CAMK1D: variants seen among roughly 807,000 people sequenced by gnomAD.
CAMK1D encodes the protein calcium/calmodulin dependent protein kinase ID, also known as calcium/calmodulin-dependent protein kinase type 1D.
Under a neutral mutation model 47.7 loss-of-function variants are expected in CAMK1D, and 9 were observed. The ratio of observed to expected loss-of-function variants is 0.19; its 90% CI spans 0.11 to 0.33. The LOEUF is 0.33. Among genes scored for constraint, CAMK1D ranks in the 10% least tolerant of loss-of-function variants. The pLI, the probability that CAMK1D is intolerant of heterozygous loss-of-function variation, is 1.00. For missense variants in CAMK1D, 291 were observed against 488.7 expected (o/e 0.60, Z 3.81); for synonymous variants, 184 against 184.9 (o/e 0.99, Z 0.04).
chr10:12,522,586 C>A lies in CAMK1D; in HGVS notation c.93-30639C>A, dbSNP rs1233445473. On this transcript the variant is annotated intron_variant, in intron 1 of 10. Transcript: ENST00000619168. ...GTACAGAACAAAATGAAAAGTCTCC[C>A]ATGTCCACTTCTTTCCACACAGACA... Among the ~76,000 whole-genome samples the A allele has an allele frequency of 2.0e-5, 3 of 152,226 alleles. No homozygotes were observed. The East Asian group carries it at 5.8e-4, about 29-fold the overall frequency.
intron 5 of CAMK1D, among the ~76,000 whole-genome samples, chr10:12,776,267 G>A (rs1245674702): frequency 6.6e-6 from 1 of 152,232 alleles, no homozygotes; most frequent in Non-Finnish European, 1.5e-5. Context: ...TAATTCAAAG[G>A]TTTTTGGGCC....
chr10:12,389,578 A>G (rs1302581476), intron 1 of CAMK1D, among the ~76,000 whole-genome samples: 1 of 151,396 alleles, frequency 6.6e-6, no homozygotes, highest in African/African-American at 2.4e-5. Context: ...TTCCTTCCCT[A>G]CTCACAGCAA....
At chr10:12,665,151 A>G (rs879401338) in intron 2 of CAMK1D, among the ~76,000 whole-genome samples, 9 of 152,216 alleles carry the variant, frequency 5.9e-5, no homozygotes, top group Admixed American at 5.2e-4. Flanking sequence ...CTGACAAATA[A>G]TTAGACTCTA....
At chr10:12,765,508 C>G (rs1836709946) in intron 4 of CAMK1D, among the ~76,000 whole-genome samples, 1 of 152,168 alleles carries the variant, frequency 6.6e-6, no homozygotes, top group African/African-American at 2.4e-5. Context: ...CTGATTAGAC[C>G]CTGCTCTCTG....
chr10:12,790,954 C>A (rs527904380), intron 5 of CAMK1D, among the ~76,000 whole-genome samples: 1 of 152,144 alleles, frequency 6.6e-6, no homozygotes, highest in Admixed American at 6.5e-5. Flanking sequence ...CATGATTGTG[C>A]CACTGTACCC....
At chr10:12,666,667 G>A (rs1564477552) in intron 2 of CAMK1D, 69 bp from the exon 3 acceptor site, 2 of 1,235,046 alleles carry the variant, frequency 1.6e-6, no homozygotes, top group Middle Eastern at 2.0e-4. Context: ...TTGCTACAAT[G>A]CTGTCTGTTT....
At chr10:12,737,967 TTAAAA>T (rs1358372272) in intron 3 of CAMK1D, among the ~76,000 whole-genome samples, 11 of 152,154 alleles carry the variant, frequency 7.2e-5, no homozygotes, top group African/African-American at 9.7e-5. Flanking sequence ...TAATAAAATC[TTAAAA>T]TAATATACTC....
At chr10:12,508,675 TA>T (rs1177574122) in intron 1 of CAMK1D, among the ~76,000 whole-genome samples, 2 of 152,210 alleles carry the variant, frequency 1.3e-5, no homozygotes, top group African/African-American at 4.8e-5. Context: ...CACAGTTTTT[TA>T]AAAAAGCAAA....
intron 1 of CAMK1D, among the ~76,000 whole-genome samples, chr10:12,527,744 A>C (rs1467557982): frequency 6.6e-6 from 1 of 152,204 alleles, no homozygotes; most frequent in Non-Finnish European, 1.5e-5. Context: ...TTACCAGTGG[A>C]TACTTCTTCA....
intron 1 of CAMK1D, among the ~76,000 whole-genome samples, chr10:12,409,818 C>T (rs1839592446): frequency 6.6e-6 from 1 of 152,236 alleles, no homozygotes; most frequent in South Asian, 2.1e-4. Context: ...ATTTTTTCAT[C>T]ATCCCAAACA....
intron 3 of CAMK1D, among the ~76,000 whole-genome samples, chr10:12,706,467 T>G (rs2130737830): frequency 6.6e-6 from 1 of 152,166 alleles, no homozygotes; most frequent in Non-Finnish European, 1.5e-5. Flanking sequence ...ATCCCAGCAC[T>G]TTGAGAGGTC....
chr10:12,648,720 C>T (rs1033690376), intron 2 of CAMK1D, among the ~76,000 whole-genome samples: 2 of 151,978 alleles, frequency 1.3e-5, no homozygotes, highest in Non-Finnish European at 2.9e-5. Flanking sequence ...ATCCACCCAC[C>T]TCAGCCTCCC....
At chr10:12,813,839 G>A (rs1832699490) in intron 6 of CAMK1D, among the ~76,000 whole-genome samples, 1 of 151,652 alleles carries the variant, frequency 6.6e-6, no homozygotes, top group South Asian at 2.1e-4. Flanking sequence ...TGGCTCACTG[G>A]AACCTCCACC....
At chr10:12,592,838 C>A (rs12243403) in intron 2 of CAMK1D, among the ~76,000 whole-genome samples, 4,354 of 152,266 alleles carry the variant, frequency 0.029, 169 homozygotes, top group African/African-American at 0.087. Flanking sequence ...TGCCTTAGTC[C>A]TTAGAATGCT....
chr10:12,529,078 T>G (rs1231541445), intron 1 of CAMK1D, among the ~76,000 whole-genome samples: 1 of 152,066 alleles, frequency 6.6e-6, no homozygotes, highest in Admixed American at 6.5e-5. Flanking sequence ...GCTCAAGCAA[T>G]CCACCCGTCT....
At position 12,833,642 on chromosome 10, in the gene CAMK1D, A is replaced by T. The variant is rs1396322703; in HGVS notation, c.*4755A>T. Reference sequence around the variant, plus strand: ...CGCTGCTTCGCAGAATTTAACAAGCACACGACTGGGATTCCTTTGGATATG... The same window carrying T: ...CGCTGCTTCGCAGAATTTAACAAGCTCACGACTGGGATTCCTTTGGATATG... On this transcript the variant is annotated 3_prime_UTR_variant, in exon 11 of 11. Coordinates refer to ENST00000619168, the MANE Select transcript of CAMK1D (RefSeq NM_153498.4). 1 of 152,204 alleles carries T rather than the reference A, an allele frequency of 6.6e-6. No individual in the cohort carries two copies. The highest frequency in any genetic ancestry group is 1.9e-4 in the East Asian group (1 of 5,184). 9.4% of individuals were successfully genotyped at this position (152,204 alleles called of 1,614,324 possible).
intron 1 of CAMK1D, among the ~76,000 whole-genome samples, chr10:12,396,369 C>A (rs1013871001): frequency 6.6e-6 from 1 of 152,196 alleles, no homozygotes; most frequent in African/African-American, 2.4e-5. Context: ...CCAAAATCGT[C>A]ATTTTTCTCG....
chr10:12,778,265 T>C (rs1334752170), intron 5 of CAMK1D, among the ~76,000 whole-genome samples: 4 of 152,218 alleles, frequency 2.6e-5, no homozygotes, highest in Non-Finnish European at 5.9e-5. Context: ...GAAACCGAAA[T>C]TGGTGCTTTT....
At chr10:12,442,256 C>A (rs1235528286) in intron 1 of CAMK1D, among the ~76,000 whole-genome samples, 1 of 152,092 alleles carries the variant, frequency 6.6e-6, no homozygotes. Context: ...TCAAGGCAGG[C>A]GGATCACGAG....
Sources: allele counts gnomAD v4.1 joint callset (sites outside exome capture counted in the v4.1 genomes callset), GRCh38; gene constraint gnomAD v4.1.1; transcripts MANE v1.5; gene names NCBI Gene and HGNC (gene_info 2026-07-23, HGNC 2026-07-21).